Variants in NRXN3 observed in about 807,000 individuals in gnomAD.
NRXN3 encodes the protein neurexin 3, also known as neurexin III.
A neutral mutation model predicts 137.6 loss-of-function variants in NRXN3; 32 were observed. The observed-to-expected ratio is 0.23, with a 90% confidence interval of 0.18 to 0.31. The LOEUF is 0.31. Ranked by LOEUF, NRXN3 falls within the 10% of genes least tolerant of loss-of-function variation. NRXN3 has a pLI of 1.00. For synonymous variants in NRXN3, 798 were observed against 784.5 expected, an observed-to-expected ratio of 1.02 and a Z score of -0.29; for missense variants, 1,574 against 2,062.5, an observed-to-expected ratio of 0.76 and a Z score of 4.59.
chr14:79,372,588 G>T (rs1420304371), intron 15 of NRXN3, among the ~76,000 whole-genome samples: 2 of 152,100 alleles, frequency 1.3e-5, no homozygotes, highest in African/African-American at 2.4e-5. Flanking sequence ...AAAAAGATCA[G>T]AGATACCCCT....
At chr14:79,760,028 C>T (rs990934679) in intron 19 of NRXN3, among the ~76,000 whole-genome samples, 1 of 151,648 alleles carries the variant, frequency 6.6e-6, no homozygotes, top group Non-Finnish European at 1.5e-5. Context: ...AGTTGGTCTA[C>T]TGGGAAATTA....
intron 15 of NRXN3, among the ~76,000 whole-genome samples, chr14:79,102,747 T>C (rs1316862797): frequency 2.6e-5 from 4 of 152,184 alleles, no homozygotes; most frequent in African/African-American, 7.2e-5. Flanking sequence ...GGGAAGATTA[T>C]ATCAGGCCAA....
intron 16 of NRXN3, among the ~76,000 whole-genome samples, chr14:79,565,317 A>ATGTG (rs1491068802): frequency 7.8e-6 from 1 of 127,874 alleles, no homozygotes; most frequent in Non-Finnish European, 1.6e-5. Context: ...ATACACACAC[A>ATGTG]TGTGTGTGTA....
chr14:79,779,525 G>C (rs991862764), intron 19 of NRXN3, among the ~76,000 whole-genome samples: 8 of 152,126 alleles, frequency 5.3e-5, no homozygotes, highest in Admixed American at 1.3e-4. Flanking sequence ...TCATTTGTCT[G>C]GACTTTGGGG....
intron 16 of NRXN3, among the ~76,000 whole-genome samples, chr14:79,603,722 C>T (rs1017295512): frequency 6.6e-6 from 1 of 151,586 alleles, no homozygotes; most frequent in Non-Finnish European, 1.5e-5. Context: ...AAAAAAAATC[C>T]CAGTTTGATA....
chr14:79,408,718 C>T (rs1217888591), intron 15 of NRXN3, among the ~76,000 whole-genome samples: 2 of 152,044 alleles, frequency 1.3e-5, no homozygotes, highest in Non-Finnish European at 2.9e-5. Flanking sequence ...ACTTTCTTTT[C>T]ACTTTCTTTC....
intron 9 of NRXN3, among the ~76,000 whole-genome samples, chr14:78,807,123 G>C (rs1211261042): frequency 6.6e-6 from 1 of 152,104 alleles, no homozygotes; most frequent in African/African-American, 2.4e-5. Context: ...TTTTATGATG[G>C]TCACCTTTGA....
At chr14:78,511,424 C>A (rs1055835081) in intron 4 of NRXN3, among the ~76,000 whole-genome samples, 2 of 151,838 alleles carry the variant, frequency 1.3e-5, no homozygotes, top group Non-Finnish European at 2.9e-5. Context: ...AGTGGCTTAA[C>A]AAAAAAAGGT....
In NRXN3 at chr14:78,206,453, G is replaced by A. The variant is rs532577998; in HGVS notation, c.-704+35779G>A. Among the ~76,000 whole-genome samples, 25 of 152,264 alleles carry A rather than the reference G, an allele frequency of 1.6e-4. No homozygotes were observed. The South Asian group carries it at 5.2e-3, about 32-fold the overall frequency. On this transcript the variant is annotated intron_variant, in intron 1 of 20. Transcript: ENST00000335750. ...TCCTCCTCTAGTCTGCCCAGAGGAG[G>A]GGGACCTGAGTGGGGAAGAAACTCT...
At chr14:79,228,404 A>G (rs1001870326) in intron 15 of NRXN3, among the ~76,000 whole-genome samples, 1 of 152,174 alleles carries the variant, frequency 6.6e-6, no homozygotes, top group African/African-American at 2.4e-5. Flanking sequence ...TAAATTTTTT[A>G]AAAAGTGCAT....
intron 19 of NRXN3, among the ~76,000 whole-genome samples, chr14:79,711,790 AGGGTGGCCCATATCCAATTAATGAT>A (rs1397245547): frequency 6.6e-6 from 1 of 152,092 alleles, no homozygotes; most frequent in Non-Finnish European, 1.5e-5. Flanking sequence ...CCCTTCCTGA[AGGGTGGCCCATATCCAATTAATGAT>A]GGTGAAGGGT....
chr14:79,507,927 A>G (rs1254673027), intron 16 of NRXN3, among the ~76,000 whole-genome samples: 1 of 152,188 alleles, frequency 6.6e-6, no homozygotes, highest in East Asian at 1.9e-4. Context: ...GGGCCCAGGC[A>G]CATTCACCTT....
At chr14:79,508,403 T>TTTTTTTTTTTTTTTTTTTTTTTTTTTTA in intron 16 of NRXN3, among the ~76,000 whole-genome samples, 1 of 137,014 alleles carries the variant, frequency 7.3e-6, no homozygotes, top group Non-Finnish European at 1.6e-5. Context: ...TTTTTTTTTT[T>TTTTTTTTTTTTTTTTTTTTTTTTTTTTA]TTTAAGACAG....
rs75365366 is a variant in NRXN3 at position 79,799,476 on chromosome 14, A to C, written c.4015-5636A>C. Among the ~76,000 whole-genome samples, 334 of 152,310 alleles carry C rather than the reference A, an allele frequency of 2.2e-3. 10 individuals carry two copies. The East Asian group carries it at 0.043, about 20-fold the overall frequency. ...ATGCAGGGAGTGGAGAAAGGAGAGA[A>C]GTCTGATAGGGCAGGACATGAAATT... On this transcript the variant is annotated intron_variant, in intron 19 of 20. Coordinates refer to ENST00000335750, the MANE Select transcript of NRXN3 (RefSeq NM_001330195.2).
At chr14:78,788,838 G>A (rs2098797019) in intron 8 of NRXN3, among the ~76,000 whole-genome samples, 1 of 152,020 alleles carries the variant, frequency 6.6e-6, no homozygotes, top group South Asian at 2.1e-4. Context: ...GGGAAACTGA[G>A]TCCCAACAAG....
chr14:78,866,128 T>C (rs906329640), intron 10 of NRXN3, among the ~76,000 whole-genome samples: 11 of 152,188 alleles, frequency 7.2e-5, no homozygotes, highest in African/African-American at 2.7e-4. Context: ...GGATCACTGA[T>C]ATCCTAAGAA....
At chr14:79,226,154 C>T (rs1597482558) in intron 15 of NRXN3, among the ~76,000 whole-genome samples, 1 of 152,080 alleles carries the variant, frequency 6.6e-6, no homozygotes, top group African/African-American at 2.4e-5. Context: ...TGCAGCTAAG[C>T]AACATGACTC....
chr14:78,743,569 T>C (rs1161636940), intron 8 of NRXN3, among the ~76,000 whole-genome samples: 3 of 152,166 alleles, frequency 2.0e-5, no homozygotes, highest in Non-Finnish European at 4.4e-5. Context: ...CATAATCAAC[T>C]CTAAATCTAC....
intron 4 of NRXN3, among the ~76,000 whole-genome samples, chr14:78,513,806 A>T (rs558372993): frequency 6.6e-6 from 1 of 152,174 alleles, no homozygotes; most frequent in Non-Finnish European, 1.5e-5. Flanking sequence ...AGATCCCCAT[A>T]ATTCATTTAC....
Sources: allele counts gnomAD v4.1 joint callset (sites outside exome capture counted in the v4.1 genomes callset), GRCh38; gene constraint gnomAD v4.1.1; transcripts MANE v1.5; gene names NCBI Gene and HGNC (gene_info 2026-07-23, HGNC 2026-07-21).